The following PI4KB variants were observed in gnomAD, a reference collection of about 807,000 sequenced individuals.
The protein encoded by PI4KB is PtdIns 4-kinase beta.
Under a neutral mutation model 81.4 loss-of-function variants are expected in PI4KB, and 23 were observed. The ratio of observed to expected loss-of-function variants is 0.28; its 90% CI spans 0.20 to 0.40. The LOEUF (loss-of-function observed/expected upper bound fraction) is 0.40. Ranked by LOEUF, PI4KB falls within the 10% of genes least tolerant of loss-of-function variation. The probability of loss-of-function intolerance (pLI) is 1.00; values close to 1 mark genes in which losing one functional copy is unlikely to be tolerated. For synonymous variants in PI4KB, 381 were observed against 406.8 expected (o/e 0.94, Z 0.76); for missense variants, 651 against 1,036.6 (o/e 0.63, Z 5.11).
intron 9 of PI4KB, chr1:151,298,581 C>G: frequency 1.7e-6 from 1 of 581,552 alleles, no homozygotes; most frequent in Non-Finnish European, 3.0e-6. Context: ...TCACTCAAAC[C>G]CTTAGTCCTC....
chr1:151,302,992 C>CTTTT (rs1313707090), intron 6 of PI4KB, among the ~76,000 whole-genome samples: 4 of 133,474 alleles, frequency 3.0e-5, no homozygotes, highest in African/African-American at 5.8e-5. Flanking sequence ...CTGGTGCTTT[C>CTTTT]TTGTTTTTTT....
rs779289312 is a variant in PI4KB at position 151,315,772 on chromosome 1, C to T, written c.710G>A (p.Arg237Gln). Residue 237 changes from arginine (R) to glutamine (Q), a missense_variant, in exon 2 of 12, where the codon CGG becomes CAG. Arg to Gln is a conservative substitution (Grantham distance 43). Around this residue, in one of 5 missense-constraint regions of PI4KB, gnomAD observed 314 missense variants for 397.8 expected, o/e 0.79. Coordinates refer to ENST00000368873, the MANE Select transcript of PI4KB (RefSeq NM_001369623.2). ...TAGCTCATCTGAGAGGATCAGCTTC[C>T]GTAGCTTGGTCCCACGGGAGTGTCG... ...TQRHSRGTKL[R>Q]KLILSDELKP... The T allele has an allele frequency of 2.5e-6, 4 of 1,613,012 alleles. No homozygotes were observed. Among genetic ancestry groups the T allele is most frequent in the Non-Finnish European group, 2.5e-6 (3 of 1,179,312 alleles).
At chr1:151,304,872 C>T (rs1212641442) in intron 5 of PI4KB, among the ~76,000 whole-genome samples, 1 of 151,628 alleles carries the variant, frequency 6.6e-6, no homozygotes, top group Non-Finnish European at 1.5e-5. Flanking sequence ...GCTTGTCACC[C>T]AGGCTGAAGT....
At chr1:151,300,477 A>G (rs1446621664) in intron 8 of PI4KB, among the ~76,000 whole-genome samples, 1 of 152,162 alleles carries the variant, frequency 6.6e-6, no homozygotes, top group African/African-American at 2.4e-5. Flanking sequence ...GTGGTGGCGC[A>G]TGCCTATAAT....
chr1:151,321,671 A>G (rs1648859871), intron 1 of PI4KB, among the ~76,000 whole-genome samples: 1 of 151,904 alleles, frequency 6.6e-6, no homozygotes, highest in African/African-American at 2.4e-5. Flanking sequence ...CAGGAGATGG[A>G]GACCATCCTG....
chr1:151,324,681 G>T, intron 1 of PI4KB: 1 of 816,348 alleles, frequency 1.2e-6, no homozygotes, highest in African/African-American at 1.8e-5. Flanking sequence ...CAGCCAGACA[G>T]CCCAAGCCAG....
chr1:151,292,785 TTC>T lies in PI4KB; in HGVS notation c.*65_*66del. ...TAGGTGGGGTTTCCTGGTTTGGGGT[TTC>T]TCAGACAAGGGCCCTCTAGGGAGGG... On this transcript the variant is annotated 3_prime_UTR_variant, in exon 12 of 12. Coordinates refer to ENST00000368873, the MANE Select transcript of PI4KB (RefSeq NM_001369623.2). The T allele has an allele frequency of 6.9e-7, 1 of 1,455,726 alleles. No homozygotes were observed. The allele number at this position is 1,455,726 out of a possible 1,614,324, so 90.2% of individuals were successfully genotyped here. A position where few individuals can be genotyped will look rare whatever the true frequency, so the allele number is the denominator to read the frequency against.
intron 2 of PI4KB, 133 bp from the exon 3 acceptor site, chr1:151,310,388 AAAAG>A: frequency 1.6e-6 from 1 of 642,648 alleles, no homozygotes; most frequent in Non-Finnish European, 2.8e-6. Flanking sequence ...CTGCTTTAAT[AAAAG>A]AAAGTCAACT....
intron 1 of PI4KB, among the ~76,000 whole-genome samples, chr1:151,323,957 T>A (rs553923677): frequency 2.7e-5 from 4 of 146,316 alleles, no homozygotes; most frequent in Non-Finnish European, 4.5e-5. Flanking sequence ...CAAAAAAAAA[T>A]TTTTTTTTTT....
intron 4 of PI4KB, 41 bp from the exon 5 acceptor site, chr1:151,306,404 CACT>C (rs1695764025): frequency 1.6e-6 from 2 of 1,248,500 alleles, no homozygotes; most frequent in East Asian, 2.3e-5. Flanking sequence ...TTACTTCCAC[CACT>C]AACCCCCAAA....
At chr1:151,302,125 T>C in intron 7 of PI4KB, 69 bp downstream of exon 7, 1 of 1,530,726 alleles carries the variant, frequency 6.5e-7, no homozygotes, top group South Asian at 1.1e-5. Context: ...GACAATAAAG[T>C]TGGTGCAGTG....
chr1:151,320,065 G>A (rs1051537955), intron 1 of PI4KB, among the ~76,000 whole-genome samples: 8 of 151,988 alleles, frequency 5.3e-5, no homozygotes, highest in Non-Finnish European at 1.0e-4. Flanking sequence ...ACGGAGTCTC[G>A]CTCTGTCGCC....
intron 6 of PI4KB, among the ~76,000 whole-genome samples, chr1:151,303,005 T>G (rs1215094043): frequency 7.5e-5 from 11 of 145,948 alleles, no homozygotes; most frequent in Non-Finnish European, 1.4e-4. Context: ...GTTTTTTTTT[T>G]TTTTTTTTTT....
upstream of PI4KB, chr1:151,327,643 A>G (rs1649855821): frequency 2.7e-6 from 1 of 366,812 alleles, no homozygotes; most frequent in Non-Finnish European, 4.8e-6. Flanking sequence ...GACCCTACCG[A>G]TTCCATAGTA....
chr1:151,324,986 T>TG, intron 1 of PI4KB: 1 of 654,344 alleles, frequency 1.5e-6, no homozygotes, highest in Non-Finnish European at 1.9e-6. Context: ...GGAGGAAAGC[T>TG]GCTTTTTTTT....
chr1:151,300,210 T>C (rs988286568), intron 8 of PI4KB, among the ~76,000 whole-genome samples: 2 of 152,256 alleles, frequency 1.3e-5, no homozygotes, highest in African/African-American at 2.4e-5. Flanking sequence ...TATAAATAAA[T>C]TGGTCTTCCA....
intron 1 of PI4KB, among the ~76,000 whole-genome samples, chr1:151,319,045 A>G (rs936842145): frequency 6.6e-6 from 1 of 152,242 alleles, no homozygotes; most frequent in Non-Finnish European, 1.5e-5. Flanking sequence ...GAAATGTGCA[A>G]CTTATGCAAG....
In PI4KB at chr1:151,312,040, C is replaced by A. The variant is rs144614716; in HGVS notation, c.910-1785G>T. ...GAGGACAAACTGCCTGGGCAGAGTTCCCCGACTAGGCTGATAAAATGGCTT... is the reference window on the plus strand; with the variant it reads ...GAGGACAAACTGCCTGGGCAGAGTTACCCGACTAGGCTGATAAAATGGCTT... On this transcript the variant is annotated intron_variant, in intron 2 of 11. Transcript: ENST00000368873. Among the ~76,000 whole-genome samples the A allele has an allele frequency of 4.7e-4, 71 of 152,318 alleles. 1 individual carries two copies. In the East Asian group the frequency reaches 0.013, roughly 27 times the overall value.
Position 151,316,106 on chromosome 1 carries a change from T to C in PI4KB, c.376A>G (p.Lys126Glu), listed in dbSNP as rs1416887924. The C allele has an allele frequency of 3.1e-6, 5 of 1,614,142 alleles. No individual in the cohort carries two copies. The highest frequency in any genetic ancestry group is 3.3e-4 in the Middle Eastern group (2 of 6,062). Residue 126 changes from lysine to glutamate, a missense_variant, in exon 2 of 12, where the codon AAA becomes GAA. Physicochemically the swap from Lys to Glu is moderately conservative, Grantham distance 56. This residue lies in a region of PI4KB where 314 missense variants were observed against 397.8 expected (regional missense o/e 0.79). Transcript: ENST00000368873. ...ARRRRQNNSA[K>E]QSWLLRLFES... ...AACAGCCTCAGCAGCCAAGACTGTT[T>C]AGCTGAGTTGTTCTGCCGCCGTCTT...
Sources: gnomAD v4.1 joint callset for allele counts (sites outside exome capture counted in the v4.1 genomes callset) on GRCh38, gnomAD v4.1.1 for gene constraint, gnomAD v4.1.1 regional missense constraint, MANE v1.5 for transcripts, NCBI Gene and HGNC (gene_info 2026-07-23, HGNC 2026-07-21) for gene names.